Variants in TBX19 observed in about 807,000 individuals in gnomAD.
TBX19 encodes T-box transcription factor TBX19.
Under a neutral mutation model 40.9 loss-of-function variants are expected in TBX19, and 33 were observed. The ratio of observed to expected loss-of-function variants is 0.81; its 90% CI spans 0.61 to 1.08. The LOEUF is 1.08. Among genes scored for constraint, TBX19 ranks in the 50% least tolerant of loss-of-function variants. TBX19 has a pLI of 0.00. For synonymous variants in TBX19, 220 were observed against 225.0 expected, an observed-to-expected ratio of 0.98 and a Z score of 0.20; for missense variants, 494 against 574.0, an observed-to-expected ratio of 0.86 and a Z score of 1.42.
intron 3 of TBX19, among the ~76,000 whole-genome samples, chr1:168,296,875 A>ATAT (rs34163603): frequency 1.5e-4 from 23 of 151,764 alleles, no homozygotes; most frequent in African/African-American, 4.8e-4. Flanking sequence ...TCTCAAAAAA[A>ATAT]ATATATATAT....
At chr1:168,291,547 C>A in intron 2 of TBX19, 123 bp downstream of exon 2, 1 of 1,365,808 alleles carries the variant, frequency 7.3e-7, no homozygotes, top group Non-Finnish European at 1.0e-6. Context: ...CCCACAGAAG[C>A]CAATTATTCC....
chr1:168,304,947 C>A, intron 5 of TBX19, 61 bp from the exon 6 acceptor site: 1 of 1,552,034 alleles, frequency 6.4e-7, no homozygotes, highest in African/African-American at 1.4e-5. Flanking sequence ...AGCTGGTCAC[C>A]TGATTTTTGG....
chr1:168,307,593 A>G (rs931062724), intron 6 of TBX19, among the ~76,000 whole-genome samples: 1 of 152,092 alleles, frequency 6.6e-6, no homozygotes, highest in Admixed American at 6.6e-5. Context: ...ATAGCACCAG[A>G]GATAGACGTT....
chr1:168,303,530 G>C (rs571846239), intron 5 of TBX19, among the ~76,000 whole-genome samples: 57 of 152,254 alleles, frequency 3.7e-4, no homozygotes, highest in Non-Finnish European at 7.1e-4. Context: ...CCCAACAAAG[G>C]GTTCTTGGAC....
At chr1:168,292,439 G>A (rs1329732007) in intron 2 of TBX19, among the ~76,000 whole-genome samples, 1 of 152,140 alleles carries the variant, frequency 6.6e-6, no homozygotes, top group African/African-American at 2.4e-5. Context: ...AGCATTTTGA[G>A]TTATTAGGAT....
chr1:168,313,004 C>T lies in TBX19; in HGVS notation c.*2C>T. On this transcript the variant is annotated 3_prime_UTR_variant, in exon 8 of 8. Transcript: ENST00000367821. The stretch of plus-strand genomic sequence containing the variant: ...TCTCCTTCCTCACTGGATGGTTAAG[C>T]AGGATCCTAGGAGCCTCTTTGCACA... 6.2e-7 allele frequency: 1 copy of T among 1,614,036 alleles called. No homozygotes were observed. Among genetic ancestry groups the T allele is most frequent in the Non-Finnish European group, 8.5e-7 (1 of 1,179,974 alleles).
intron 3 of TBX19, 129 bp from the exon 4 acceptor site, chr1:168,297,595 A>G (rs1649144563): frequency 1.2e-6 from 1 of 810,460 alleles, no homozygotes; most frequent in African/African-American, 1.7e-5. Context: ...TACAGGCATA[A>G]GCCATCGTGC....
chr1:168,281,923 T>C (rs1217915164), intron 1 of TBX19, among the ~76,000 whole-genome samples: 1 of 152,238 alleles, frequency 6.6e-6, no homozygotes, highest in African/African-American at 2.4e-5. Context: ...TTCTTTCTTA[T>C]CAGTGCAACA....
chr1:168,287,029 T>C (rs1469621742), intron 1 of TBX19, among the ~76,000 whole-genome samples: 1 of 152,230 alleles, frequency 6.6e-6, no homozygotes, highest in African/African-American at 2.4e-5. Flanking sequence ...AAACATCAGG[T>C]ACAGCTCTGA....
intron 4 of TBX19, among the ~76,000 whole-genome samples, chr1:168,298,800 C>CTCCTCCCTCCCT (rs1553289825): frequency 1.5e-3 from 12 of 8,040 alleles, no homozygotes; most frequent in African/African-American, 4.5e-3. Flanking sequence ...CTCCTCTCCT[C>CTCCTCCCTCCCT]CCCTCCCTCC....
At chr1:168,303,232 C>T (rs1201712359) in intron 5 of TBX19, among the ~76,000 whole-genome samples, 1 of 152,142 alleles carries the variant, frequency 6.6e-6, no homozygotes, top group African/African-American at 2.4e-5. Context: ...TGATGTTCCC[C>T]TTCCTGTGTC....
rs145449033 is a variant in TBX19 at position 168,293,359 on chromosome 1, CG to C, written c.603+89del. 3.8e-4 allele frequency: 537 copies of C among 1,413,824 alleles called. 4 individuals are homozygous for C. The highest frequency in any genetic ancestry group is 9.5e-4 in the East Asian group (35 of 37,034). The allele number at this position is 1,413,824 out of a possible 1,614,324, so 87.6% of individuals were successfully genotyped here. On this transcript the variant is annotated intron_variant, in intron 3 of 7. Coordinates refer to ENST00000367821, the MANE Select transcript of TBX19 (RefSeq NM_005149.3). Reference sequence around the variant, plus strand: ...ACCTGGGAGATCATGGCAGGATGGGCGGGGGGGGTCCTTTTAGATGAAAGGT... The same window carrying C: ...ACCTGGGAGATCATGGCAGGATGGGCGGGGGGGTCCTTTTAGATGAAAGGT...
intron 4 of TBX19, among the ~76,000 whole-genome samples, chr1:168,299,794 G>A (rs1649230224): frequency 6.6e-6 from 1 of 152,124 alleles, no homozygotes; most frequent in African/African-American, 2.4e-5. Context: ...AATAAATTAT[G>A]ATGATATACA....
At chr1:168,287,249 G>A (rs1377939258) in intron 1 of TBX19, among the ~76,000 whole-genome samples, 1 of 152,058 alleles carries the variant, frequency 6.6e-6, no homozygotes, top group Non-Finnish European at 1.5e-5. Context: ...GAATAGAGTG[G>A]GGCTATTTAA....
At chr1:168,296,868 C>CAA (rs35536948) in intron 3 of TBX19, among the ~76,000 whole-genome samples, 38 of 138,510 alleles carry the variant, frequency 2.7e-4, no homozygotes, top group Non-Finnish European at 5.2e-4. Flanking sequence ...ACTCCCGTCT[C>CAA]AAAAAAAATA....
chr1:168,309,910 G>A (rs1649483784), intron 7 of TBX19, among the ~76,000 whole-genome samples: 1 of 152,176 alleles, frequency 6.6e-6, no homozygotes, highest in South Asian at 2.1e-4. Flanking sequence ...ATGCATTAAC[G>A]TGCTTTGTAA....
rs376184148 is a variant in TBX19 at position 168,293,039 on chromosome 1, C to T, written c.469-105C>T. The T allele has an allele frequency of 8.9e-5, 141 of 1,582,168 alleles. 1 individual carries two copies. The South Asian group carries it at 9.1e-4, about 10-fold the overall frequency. On this transcript the variant is annotated intron_variant, in intron 2 of 7. Coordinates refer to ENST00000367821, the MANE Select transcript of TBX19 (RefSeq NM_005149.3). Reference sequence around the variant, plus strand: ...AGGATTTGAAATGTGTGTCCCTAACCGGGGTGGTGCTAAGCTTGGGACCAA... The same window carrying T: ...AGGATTTGAAATGTGTGTCCCTAACTGGGGTGGTGCTAAGCTTGGGACCAA...
intron 2 of TBX19, among the ~76,000 whole-genome samples, chr1:168,291,679 A>C (rs985052134): frequency 6.6e-6 from 1 of 152,136 alleles, no homozygotes; most frequent in Non-Finnish European, 1.5e-5. Flanking sequence ...GGCCCTTTTC[A>C]TAGTTTCGTC....
At chr1:168,281,781 C>G (rs1648658480) in intron 1 of TBX19, among the ~76,000 whole-genome samples, 1 of 152,208 alleles carries the variant, frequency 6.6e-6, no homozygotes, top group Non-Finnish European at 1.5e-5. Flanking sequence ...TTGCCTATCA[C>G]TTCATCTGCT....
Sources: allele counts gnomAD v4.1 joint callset (sites outside exome capture counted in the v4.1 genomes callset), GRCh38; gene constraint gnomAD v4.1.1; transcripts MANE v1.5; gene names NCBI Gene and HGNC (gene_info 2026-07-23, HGNC 2026-07-21).